The following SETBP1 variants were observed in gnomAD, a reference collection of about 807,000 sequenced individuals.
SETBP1 encodes SET binding protein 1.
In SETBP1, 9 loss-of-function variants were observed where a neutral mutation model predicts 101.0. The ratio of observed to expected loss-of-function variants is 0.09; its 90% CI spans 0.05 to 0.16. SETBP1 has a LOEUF of 0.16. Ranked by LOEUF, SETBP1 falls within the 10% of genes least tolerant of loss-of-function variation. The pLI, the probability that SETBP1 is intolerant of heterozygous loss-of-function variation, is 1.00. For missense variants in SETBP1, 1,858 were observed against 2,033.8 expected, an observed-to-expected ratio of 0.91 and a Z score of 1.66; for synonymous variants, 818 against 788.5, an observed-to-expected ratio of 1.04 and a Z score of -0.63.
At chr18:44,742,107 A>G (rs970681619) in intron 2 of SETBP1, among the ~76,000 whole-genome samples, 1 of 152,140 alleles carries the variant, frequency 6.6e-6, no homozygotes, top group Admixed American at 6.5e-5. Flanking sequence ...TAACTTGGAG[A>G]ACTATAGGCA....
At chr18:44,773,793 CCTCTCTCTCTCTCT>C (rs377709717) in intron 2 of SETBP1, among the ~76,000 whole-genome samples, 3 of 133,246 alleles carry the variant, frequency 2.3e-5, no homozygotes, top group Non-Finnish European at 4.8e-5. Flanking sequence ...TCTCAACCAG[CCTCTCTCTCTCTCT>C]CTCTCTCTCT....
At chr18:44,773,549 G>A (rs2070921492) in intron 2 of SETBP1, among the ~76,000 whole-genome samples, 1 of 152,134 alleles carries the variant, frequency 6.6e-6, no homozygotes, top group African/African-American at 2.4e-5. Flanking sequence ...TTTTTGCAAC[G>A]TCAATAGAAA....
intron 2 of SETBP1, among the ~76,000 whole-genome samples, chr18:44,817,749 G>A (rs751503579): frequency 6.6e-6 from 1 of 151,920 alleles, no homozygotes; most frequent in Middle Eastern, 3.4e-3. Flanking sequence ...GGGAAAATGC[G>A]GGGACTACGA....
chr18:45,018,865 C>T (rs1043594733), intron 4 of SETBP1, among the ~76,000 whole-genome samples: 4 of 152,144 alleles, frequency 2.6e-5, no homozygotes, highest in Non-Finnish European at 5.9e-5. Flanking sequence ...TGCAAGGTCA[C>T]GGATGTGGAA....
chr18:45,014,337 C>T (rs1167024895), intron 4 of SETBP1, among the ~76,000 whole-genome samples: 1 of 152,142 alleles, frequency 6.6e-6, no homozygotes, highest in Non-Finnish European at 1.5e-5. Context: ...GACCTGCCAC[C>T]CTGCAGGAAA....
intron 2 of SETBP1, among the ~76,000 whole-genome samples, chr18:44,836,020 G>A (rs994111153): frequency 3.3e-5 from 5 of 152,146 alleles, no homozygotes; most frequent in East Asian, 1.9e-4. Flanking sequence ...AACTAATCAC[G>A]TGAAGCATTT....
At chr18:44,801,516 C>T (rs1375103205) in intron 2 of SETBP1, among the ~76,000 whole-genome samples, 1 of 152,104 alleles carries the variant, frequency 6.6e-6, no homozygotes, top group Non-Finnish European at 1.5e-5. Context: ...ACTGTCACTA[C>T]ACAGCCATAC....
chr18:44,846,489 T>G (rs2072727134), intron 2 of SETBP1, among the ~76,000 whole-genome samples: 1 of 152,226 alleles, frequency 6.6e-6, no homozygotes, highest in South Asian at 2.1e-4. Flanking sequence ...TCTGGATATT[T>G]CCTATACATG....
At chr18:44,912,412 T>G (rs1260640756) in intron 3 of SETBP1, among the ~76,000 whole-genome samples, 3 of 152,204 alleles carry the variant, frequency 2.0e-5, no homozygotes, top group Non-Finnish European at 4.4e-5. Context: ...ATTGCCTTCC[T>G]TCTCAAAGCC....
chr18:45,033,836 A>C (rs576340751), intron 4 of SETBP1, among the ~76,000 whole-genome samples: 4 of 152,202 alleles, frequency 2.6e-5, no homozygotes, highest in African/African-American at 9.7e-5. Flanking sequence ...GAGAATCTAG[A>C]TCATCCCACC....
chr18:45,053,468 A>G (rs937870816), intron 5 of SETBP1, among the ~76,000 whole-genome samples: 3 of 152,232 alleles, frequency 2.0e-5, no homozygotes, highest in Non-Finnish European at 2.9e-5. Context: ...CAAGAAATTG[A>G]GAGATTTGTC....
intron 2 of SETBP1, among the ~76,000 whole-genome samples, chr18:44,729,272 T>C (rs890650562): frequency 6.6e-6 from 1 of 152,152 alleles, no homozygotes; most frequent in Non-Finnish European, 1.5e-5. Flanking sequence ...TCTGGAAAGG[T>C]CACATGGAGA....
chr18:44,863,639 G>A (rs769585933), intron 2 of SETBP1, among the ~76,000 whole-genome samples: 2 of 152,194 alleles, frequency 1.3e-5, no homozygotes, highest in Non-Finnish European at 2.9e-5. Context: ...AATGAGGGCA[G>A]ATTGAAAAGA....
At position 44,999,294 on chromosome 18, in the gene SETBP1, C is replaced by T. The variant is rs115659766; in HGVS notation, c.4001-39191C>T. 9.0e-3 allele frequency among the ~76,000 whole-genome samples: 1,364 copies of T among 151,780 alleles called. 20 individuals carry two copies. The highest frequency in any genetic ancestry group is 0.031 in the African/African-American group (1,292 of 41,370). ...GCCCTATAGTGGCTGACCCAGGATG[C>T]GAAAAAAAAGTTTCCAGGAAGTTAT... On this transcript the variant is annotated intron_variant, in intron 4 of 5. Transcript: ENST00000649279.
chr18:44,936,059 C>G (rs2070949470), intron 3 of SETBP1, among the ~76,000 whole-genome samples: 1 of 152,168 alleles, frequency 6.6e-6, no homozygotes, highest in Non-Finnish European at 1.5e-5. Flanking sequence ...ATGTTGCTCC[C>G]TGTAATTCTT....
At chr18:44,761,079 A>G (rs550700756) in intron 2 of SETBP1, among the ~76,000 whole-genome samples, 40 of 152,368 alleles carry the variant, frequency 2.6e-4, no homozygotes, top group African/African-American at 9.4e-4. Flanking sequence ...TTCTCACCAC[A>G]AAATCAGCCG....
At chr18:44,897,850 C>T (rs2069943717) in intron 3 of SETBP1, among the ~76,000 whole-genome samples, 1 of 152,152 alleles carries the variant, frequency 6.6e-6, no homozygotes, top group South Asian at 2.1e-4. Flanking sequence ...GCCAGAAATA[C>T]AGACCTGTGG....
chr18:45,063,074 C>A lies in SETBP1; in HGVS notation c.4172-5C>A, dbSNP rs749187765. On this transcript the variant is annotated splice_region_variant and splice_polypyrimidine_tract_variant and intron_variant, in intron 5 of 5. Coordinates refer to ENST00000649279, the MANE Select transcript of SETBP1 (RefSeq NM_015559.3). ...CTCAATTTCTTATCTCTTCCCCTCC[C>A]GCAGTCGGCTCCTCCCTGAAGAAGA... 2 of 1,613,764 alleles carry A rather than the reference C, an allele frequency of 1.2e-6. No homozygotes were observed. Among genetic ancestry groups the A allele is most frequent in the Non-Finnish European group, 1.7e-6 (2 of 1,180,024 alleles).
intron 2 of SETBP1, among the ~76,000 whole-genome samples, chr18:44,861,188 C>T (rs980212756): frequency 6.7e-6 from 1 of 149,888 alleles, no homozygotes; most frequent in African/African-American, 2.5e-5. Flanking sequence ...TCTTAGCGCA[C>T]AGTTTGAAAA....
Sources: allele counts gnomAD v4.1 joint callset (sites outside exome capture counted in the v4.1 genomes callset), GRCh38; gene constraint gnomAD v4.1.1; transcripts MANE v1.5; gene names NCBI Gene and HGNC (gene_info 2026-07-23, HGNC 2026-07-21).